Variants in CKAP4 observed in about 807,000 individuals in gnomAD.
The protein encoded by CKAP4 is cytoskeleton associated protein 4.
In CKAP4, 20 loss-of-function variants were observed where a neutral mutation model predicts 24.4. The ratio of observed to expected loss-of-function variants is 0.82; its 90% CI spans 0.58 to 1.19. The LOEUF (loss-of-function observed/expected upper bound fraction) is 1.19. Among genes scored for constraint, CKAP4 ranks in the 50% most tolerant of loss-of-function variants. The pLI, the probability that CKAP4 is intolerant of heterozygous loss-of-function variation, is 0.00. For missense variants in CKAP4, 744 were observed against 765.3 expected (o/e 0.97, Z 0.33); for synonymous variants, 378 against 351.7 (o/e 1.07, Z -0.84).
intron 1 of CKAP4, among the ~76,000 whole-genome samples, chr12:106,242,721 A>T (rs1029393861): frequency 5.3e-5 from 8 of 152,244 alleles, no homozygotes; most frequent in African/African-American, 1.9e-4. Context: ...CAGAGGTGTG[A>T]GCAGGTGAGC....
chr12:106,247,620 TGCCGCC>T lies in CKAP4; in HGVS notation c.226_231del (p.Gly76_Gly77del), dbSNP rs750145170. The T allele has an allele frequency of 9.3e-5, 91 of 981,338 alleles. 3 individuals carry two copies. Among genetic ancestry groups the T allele is most frequent in the South Asian group, 5.0e-4 (18 of 35,966 alleles). 60.8% of individuals were successfully genotyped at this position (981,338 alleles called of 1,614,324 possible). A position where few individuals can be genotyped will look rare whatever the true frequency, so the allele number is the denominator to read the frequency against. On this transcript the variant is annotated inframe_deletion, in exon 1 of 2. Coordinates refer to ENST00000378026, the MANE Select transcript of CKAP4 (RefSeq NM_006825.4). The surrounding 1 kb of genome is among the most constrained non-coding windows in gnomAD (Gnocchi z 4.5). ...GAGGCGGAGGAGGAGGAGGAGGACTTGCCGCCGCCGCCGCCGCCGCCGCGGTGGCCG... is the reference window on the plus strand; with the variant it reads ...GAGGCGGAGGAGGAGGAGGAGGACTTGCCGCCGCCGCCGCCGCGGTGGCCG...
At position 106,240,349 on chromosome 12, in the gene CKAP4, C is replaced by A; in HGVS notation, c.484G>T (p.Val162Leu). 1 of 1,606,248 alleles carries A rather than the reference C, an allele frequency of 6.2e-7. No individual in the cohort carries two copies. Among genetic ancestry groups the A allele is most frequent in the African/African-American group, 1.3e-5 (1 of 74,670 alleles). The change falls in exon 2 of 2, where the codon GTG becomes TTG. Residue 162 changes from valine (V) to leucine (L), a missense_variant and splice_region_variant. By Grantham distance (32) the Val-to-Leu change is conservative. Around this residue, in one of 3 missense-constraint regions of CKAP4, gnomAD observed 300 missense variants for 264.5 expected, o/e 1.13. Coordinates refer to ENST00000378026, the MANE Select transcript of CKAP4 (RefSeq NM_006825.4). ...CCAAATGTGGCTTGCAAAGACTGCA[C>A]CTGTAATCAAAATCCAGACGTTAAT... Reference protein sequence around the residue: ...GQGLQGVEQKVQSLQATFGTF... With the variant: ...GQGLQGVEQKLQSLQATFGTF...
rs2033956270 is a variant in CKAP4 at position 106,239,984 on chromosome 12, C to T, written c.849G>A (p.Lys283=). 6.2e-7 allele frequency: 1 copy of T among 1,614,042 alleles called. No individual in the cohort carries two copies. The highest frequency in any genetic ancestry group is 8.5e-7 in the Non-Finnish European group (1 of 1,180,042). Residue 283 remains lysine, a synonymous_variant, in exon 2 of 2, where the codon AAG becomes AAA. Transcript: ENST00000378026. This position sits in a 1 kb window ranked among gnomAD's most constrained non-coding sequence, Gnocchi z 4.9. Reference sequence around the variant, plus strand: ...CTTCCTTTAAGGCTTTCAAATCCTGCTTGTTCCCCTCAGATTCTTCCAGGG... The same window carrying T: ...CTTCCTTTAAGGCTTTCAAATCCTGTTTGTTCCCCTCAGATTCTTCCAGGG... ...VASLEESEGN[K]QDLKALKEAV...
At chr12:106,241,492 C>T (rs2033970639) in intron 1 of CKAP4, among the ~76,000 whole-genome samples, 1 of 151,942 alleles carries the variant, frequency 6.6e-6, no homozygotes, top group Non-Finnish European at 1.5e-5. Flanking sequence ...GCCACTACGC[C>T]CGGCTAATTT....
rs368519473 is a variant in CKAP4, at chr12:106,247,711, G to GGGCGGC, written c.135_140dup (p.Pro46_Pro47dup). 6 of 1,033,890 alleles carry GGGCGGC rather than the reference G, an allele frequency of 5.8e-6. No homozygotes were observed. Among genetic ancestry groups the GGGCGGC allele is most frequent in the Non-Finnish European group, 6.9e-6 (6 of 867,490 alleles). The allele number at this position is 1,033,890 out of a possible 1,614,324, so 64.0% of individuals were successfully genotyped here. A position where few individuals can be genotyped will look rare whatever the true frequency, so the allele number is the denominator to read the frequency against. On this transcript the variant is annotated inframe_insertion, in exon 1 of 2. Transcript: ENST00000378026. This position sits in a 1 kb window ranked among gnomAD's most constrained non-coding sequence, Gnocchi z 4.5. ...GCGGGTGCTGCTGCGGGTGCGGCGC[G>GGGCGGC]GGCGGCGGCGGCGGCTGCTGCGGCG...
chr12:106,243,221 C>A (rs1246805874), intron 1 of CKAP4, among the ~76,000 whole-genome samples: 1 of 152,218 alleles, frequency 6.6e-6, no homozygotes, highest in East Asian at 1.9e-4. Flanking sequence ...TCTCATTACA[C>A]CCTCACCATA....
chr12:106,239,037 T>A lies in CKAP4; in HGVS notation c.1796A>T (p.His599Leu). Residue 599 changes from histidine to leucine, a missense_variant, in exon 2 of 2, where the codon CAC (histidine) becomes CTC (leucine). By Grantham distance (99) the His-to-Leu change is moderately conservative. Around this residue, in one of 3 missense-constraint regions of CKAP4, gnomAD observed 401 missense variants for 424.5 expected, o/e 0.94. Coordinates refer to ENST00000378026, the MANE Select transcript of CKAP4 (RefSeq NM_006825.4). This position sits in a 1 kb window ranked among gnomAD's most constrained non-coding sequence, Gnocchi z 4.9. ...DRLFVKVEKI[H>L]EKV Reference sequence around the variant, plus strand: ...CACGCAATTCATTTAGACCTTTTCGTGAATCTTCTCCACTTTCACAAACAA... The same window carrying A: ...CACGCAATTCATTTAGACCTTTTCGAGAATCTTCTCCACTTTCACAAACAA... 1 of 1,613,170 alleles carries A rather than the reference T, an allele frequency of 6.2e-7. No homozygotes were observed. Among genetic ancestry groups the A allele is most frequent in the Non-Finnish European group, 8.5e-7 (1 of 1,179,212 alleles).
Position 106,247,406 on chromosome 12 carries a change from T to C in CKAP4, c.446A>G (p.Glu149Gly). Residue 149 changes from glutamate to glycine, a missense_variant, in exon 1 of 2, where the codon GAG becomes GGG. Glu to Gly is a moderately conservative substitution (Grantham distance 98). Transcript: ENST00000378026. This position sits in a 1 kb window ranked among gnomAD's most constrained non-coding sequence, Gnocchi z 4.5. ...GCCCTGCAAGCCCTGGCCCAGCTCC[T>C]CCCTCTGCCGGGAGAAGTCCTGGTG... ...RSHQDFSRQR[E>G]ELGQGLQGVE... is the part of the protein sequence containing the mutation. 1 of 1,542,610 alleles carries C rather than the reference T, an allele frequency of 6.5e-7. No individual in the cohort carries two copies. The highest frequency in any genetic ancestry group is 8.7e-7 in the Non-Finnish European group (1 of 1,146,774).
At position 106,239,458 on chromosome 12, in the gene CKAP4, C is replaced by T. The variant is rs376439601; in HGVS notation, c.1375G>A (p.Gly459Arg). 5.0e-5 allele frequency: 80 copies of T among 1,603,402 alleles called. No homozygotes were observed. Among genetic ancestry groups the T allele is most frequent in the East Asian group, 1.1e-4 (5 of 44,874 alleles). Residue 459 changes from glycine (G) to arginine (R), a missense_variant, in exon 2 of 2, where the codon GGG (glycine) becomes AGG (arginine). This residue lies in a region of CKAP4 where 401 missense variants were observed against 424.5 expected (regional missense o/e 0.94). Transcript: ENST00000378026. This position sits in a 1 kb window ranked among gnomAD's most constrained non-coding sequence, Gnocchi z 4.9. ...AALQGRLEGL[G>R]SSEADQDGLA... Reference sequence around the variant, plus strand: ...CCATCCTGGTCTGCCTCTGAGGACCCGAGGCCTTCCAGGCGCCCCTGCAGG... The same window carrying T: ...CCATCCTGGTCTGCCTCTGAGGACCTGAGGCCTTCCAGGCGCCCCTGCAGG...
intron 1 of CKAP4, among the ~76,000 whole-genome samples, chr12:106,246,003 G>A (rs565076116): frequency 1.3e-5 from 2 of 152,300 alleles, no homozygotes; most frequent in East Asian, 1.9e-4. Flanking sequence ...AGTGGCTCCG[G>A]GATCAGAAGT....
chr12:106,247,842 C>T lies in CKAP4; in HGVS notation c.10G>A (p.Ala4Thr). The T allele has an allele frequency of 9.6e-7, 1 of 1,043,896 alleles. No homozygotes were observed. Among genetic ancestry groups the T allele is most frequent in the East Asian group, 7.9e-5 (1 of 12,612 alleles). 64.7% of individuals were successfully genotyped at this position (1,043,896 alleles called of 1,614,324 possible). Residue 4 changes from alanine to threonine, a missense_variant, in exon 1 of 2, where the codon GCC (alanine) becomes ACC (threonine). Transcript: ENST00000378026. This position sits in a 1 kb window ranked among gnomAD's most constrained non-coding sequence, Gnocchi z 4.5. Reference protein sequence around the residue: MPSAKQRGSKGGHG... With the variant: MPSTKQRGSKGGHG... ...CCGCCCTTGGAGCCCCTTTGTTTGG[C>T]CGAGGGCATGGCGGGCGCGGCGGCG...
chr12:106,240,495 T>G, intron 1 of CKAP4, 146 bp from the exon 2 acceptor site: 1 of 901,256 alleles, frequency 1.1e-6, no homozygotes, highest in Non-Finnish European at 1.6e-6. Flanking sequence ...CTTCCACATA[T>G]AGTCCATATG....
rs2034029164 is a variant in CKAP4 at position 106,247,714 on chromosome 12, C to CGGCGGCGGGTGCGGCGCG, written c.137_138insCGCGCCGCACCCGCCGCC (p.Pro46_Pro47insAlaProHisProProPro). ...GGTGCTGCTGCGGGTGCGGCGCGGG[C>CGGCGGCGGGTGCGGCGCG]GGCGGCGGCGGCTGCTGCGGCGCCG... On this transcript the variant is annotated inframe_insertion, in exon 1 of 2. Coordinates refer to ENST00000378026, the MANE Select transcript of CKAP4 (RefSeq NM_006825.4). This position sits in a 1 kb window ranked among gnomAD's most constrained non-coding sequence, Gnocchi z 4.5. 1 of 148,534 alleles carries CGGCGGCGGGTGCGGCGCG rather than the reference C, an allele frequency of 6.7e-6. No individual in the cohort carries two copies. Among genetic ancestry groups the CGGCGGCGGGTGCGGCGCG allele is most frequent in the Non-Finnish European group, 7.7e-6 (1 of 129,360 alleles). The allele number at this position is 148,534 out of a possible 1,614,324, so 9.2% of individuals were successfully genotyped here.
rs781435735 is a variant in CKAP4, at chr12:106,239,733, G to C, written c.1100C>G (p.Pro367Arg). 1.9e-6 allele frequency: 3 copies of C among 1,614,024 alleles called. No individual in the cohort carries two copies. Among genetic ancestry groups the C allele is most frequent in the Non-Finnish European group, 2.5e-6 (3 of 1,179,986 alleles). ...TTCCTCCAGTCTCCGGATCTCCTCC[G>C]GGAGGCGGGAGACGGACTCCTCAGA... ...LRSEESVSRL[P>R]EEIRRLEEEL... The change falls in exon 2 of 2, where the codon CCG becomes CGG. Residue 367 changes from proline (P) to arginine (R), a missense_variant. Physicochemically the swap from Pro to Arg is moderately radical, Grantham distance 103. Coordinates refer to ENST00000378026, the MANE Select transcript of CKAP4 (RefSeq NM_006825.4). The surrounding 1 kb of genome is among the most constrained non-coding windows in gnomAD (Gnocchi z 4.9).
rs1406702053 is a variant in CKAP4, at chr12:106,246,748, A to T, written c.483+621T>A. On this transcript the variant is annotated intron_variant, in intron 1 of 1. Coordinates refer to ENST00000378026, the MANE Select transcript of CKAP4 (RefSeq NM_006825.4). ...CAGAGCCAGACTCCCTCTCAAAAGA[A>T]AACCCAAAAAAGCTGAAGTAGGACT... 5 of 152,766 alleles carry T rather than the reference A, an allele frequency of 3.3e-5. No homozygotes were observed. In the East Asian group the frequency reaches 9.6e-4, roughly 29 times the overall value. The allele number at this position is 152,766 out of a possible 1,614,324, so 9.5% of individuals were successfully genotyped here. A position where few individuals can be genotyped will look rare whatever the true frequency, so the allele number is the denominator to read the frequency against.
chr12:106,247,853 G>C lies in CKAP4; in HGVS notation c.-2C>G, dbSNP rs2136539027. 9.6e-7 allele frequency: 1 copy of C among 1,039,708 alleles called. No individual in the cohort carries two copies. The allele number at this position is 1,039,708 out of a possible 1,614,324, so 64.4% of individuals were successfully genotyped here. A position where few individuals can be genotyped will look rare whatever the true frequency, so the allele number is the denominator to read the frequency against. ...GCCCCTTTGTTTGGCCGAGGGCATG[G>C]CGGGCGCGGCGGCGGCTCGGGCCGC... On this transcript the variant is annotated 5_prime_UTR_variant, in exon 1 of 2. Transcript: ENST00000378026. This position sits in a 1 kb window ranked among gnomAD's most constrained non-coding sequence, Gnocchi z 4.5.
At position 106,238,449 on chromosome 12, in the gene CKAP4, G is replaced by A. The variant is rs2033930604; in HGVS notation, c.*575C>T. ...GGAAGAGAAACGACACGCACACCAT[G>A]AGGGAGGCAGCCCTCAAGCAGCGGA... On this transcript the variant is annotated 3_prime_UTR_variant, in exon 2 of 2. Coordinates refer to ENST00000378026, the MANE Select transcript of CKAP4 (RefSeq NM_006825.4). 6.5e-6 allele frequency: 1 copy of A among 153,712 alleles called. No homozygotes were observed. Among genetic ancestry groups the A allele is most frequent in the African/African-American group, 2.4e-5 (1 of 41,436 alleles). 9.5% of individuals were successfully genotyped at this position (153,712 alleles called of 1,614,324 possible).
rs757922884 is a variant in CKAP4 at position 106,239,819 on chromosome 12, G to A, written c.1014C>T (p.Phe338=). ...LVSLKQEQQA[F]KEAADTERLA... is the part of the protein sequence containing the mutation. ...GCCGCTCCGTGTCGGCCGCCTCCTT[G>A]AAAGCCTGCTGCTCCTGCTTGAGGC... The change falls in exon 2 of 2, where the codon TTC becomes TTT. Residue 338 remains phenylalanine (F), a synonymous_variant. Coordinates refer to ENST00000378026, the MANE Select transcript of CKAP4 (RefSeq NM_006825.4). This position sits in a 1 kb window ranked among gnomAD's most constrained non-coding sequence, Gnocchi z 4.9. The A allele has an allele frequency of 6.2e-7, 1 of 1,614,100 alleles. No homozygotes were observed. Among genetic ancestry groups the A allele is most frequent in the Non-Finnish European group, 8.5e-7 (1 of 1,180,014 alleles).
At chr12:106,240,390 A>C in intron 1 of CKAP4, 41 bp from the exon 2 acceptor site, 1 of 1,574,564 alleles carries the variant, frequency 6.4e-7, no homozygotes, top group Non-Finnish European at 8.6e-7. Flanking sequence ...AGAAGAGCTG[A>C]TGAGTTTCAC....
Sources: allele counts gnomAD v4.1 joint callset (sites outside exome capture counted in the v4.1 genomes callset), GRCh38; gene constraint gnomAD v4.1.1; regional missense constraint gnomAD v4.1.1; non-coding constraint Gnocchi (gnomAD v3.1); transcripts MANE v1.5; gene names NCBI Gene and HGNC (gene_info 2026-07-23, HGNC 2026-07-21).